MZT2B: variants seen among roughly 807,000 people sequenced by gnomAD.
MZT2B encodes mitotic-spindle organizing protein 2B.
In MZT2B, 11 loss-of-function variants were observed where a neutral mutation model predicts 12.1. The ratio of observed to expected loss-of-function variants is 0.91; its 90% confidence interval spans 0.57 to 1.50. The LOEUF (loss-of-function observed/expected upper bound fraction) is 1.50. Ranked by LOEUF, MZT2B falls within the 40% of genes most tolerant of loss-of-function variation. The pLI, the probability that MZT2B is intolerant of heterozygous loss-of-function variation, is 0.00. For synonymous variants in MZT2B, 85 were observed against 109.5 expected (o/e 0.78, Z 1.40); for missense variants, 209 against 227.7 (o/e 0.92, Z 0.53).
chr2:130,190,522 A>C lies in MZT2B; in HGVS notation c.373A>C (p.Ser125Arg). The change falls in exon 3 of 3, where the codon AGC becomes CGC. Residue 125 changes from serine to arginine, a missense_variant. By Grantham distance (110) the Ser-to-Arg change is moderately radical. Coordinates refer to ENST00000281871, the MANE Select transcript of MZT2B (RefSeq NM_025029.5). ...GGGAGCATTGGCCCTGGCGGAACGC[A>C]GCAGCCGCGAAGGATCCAGCCAGAG... ...LGGALALAER[S>R]SREGSSQRMP... 2 of 1,613,764 alleles carry C rather than the reference A, an allele frequency of 1.2e-6. No homozygotes were observed. The highest frequency in any genetic ancestry group is 8.5e-7 in the Non-Finnish European group (1 of 1,179,980).
At chr2:130,194,955 C>T (rs3863904), downstream of MZT2B, 178 of 1,527,094 alleles carry the variant, frequency 1.2e-4, no homozygotes, top group South Asian at 2.4e-4. Flanking sequence ...TGGGATTACA[C>T]GTGTGAGCCA....
downstream of MZT2B, among the ~76,000 whole-genome samples, chr2:130,192,933 A>C (rs1159971676): frequency 3.3e-5 from 5 of 152,140 alleles, no homozygotes; most frequent in Non-Finnish European, 5.9e-5. Context: ...ATCTCTACTA[A>C]AAATACAAAA....
chr2:130,183,647 A>G, intron 2 of MZT2B: 2 of 1,398,758 alleles, frequency 1.4e-6, no homozygotes, highest in South Asian at 2.5e-5. Context: ...AGGCGTGGAG[A>G]GCAGGCTGCC....
upstream of MZT2B, chr2:130,181,736 C>T (rs1689665817): frequency 2.6e-6 from 4 of 1,548,392 alleles, no homozygotes; most frequent in African/African-American, 1.4e-5. Flanking sequence ...GGCAGGAGTG[C>T]GGGGGAGGGA....
At chr2:130,188,303 T>TG (rs1437223423) in intron 2 of MZT2B, 1 of 166,452 alleles carries the variant, frequency 6.0e-6, no homozygotes, top group Admixed American at 6.6e-5. Flanking sequence ...GATCTGACTC[T>TG]GTCTGGCCTG....
intron 2 of MZT2B, among the ~76,000 whole-genome samples, chr2:130,185,080 C>T (rs1315853229): frequency 4.6e-5 from 7 of 152,202 alleles, no homozygotes; most frequent in South Asian, 2.1e-4. Flanking sequence ...GAGGCCGAGG[C>T]GGGCGGATCT....
chr2:130,185,396 C>T (rs1197948632), intron 2 of MZT2B, among the ~76,000 whole-genome samples: 3 of 149,868 alleles, frequency 2.0e-5, no homozygotes, highest in East Asian at 2.0e-4. Context: ...GTGGGAGGAT[C>T]GCCTGAGCCT....
At chr2:130,184,184 G>A (rs1208820326) in intron 2 of MZT2B, 22 of 1,445,732 alleles carry the variant, frequency 1.5e-5, no homozygotes, top group Middle Eastern at 2.5e-4. Context: ...GGCATCTGGG[G>A]ACAGGACCAA....
chr2:130,184,667 C>T, intron 2 of MZT2B: 3 of 985,384 alleles, frequency 3.0e-6, no homozygotes, highest in Non-Finnish European at 3.6e-6. Flanking sequence ...GGGGTGTATG[C>T]ACTGCAGGCT....
chr2:130,194,228 T>A (rs766767753), downstream of MZT2B: 33 of 1,612,390 alleles, frequency 2.0e-5, no homozygotes, highest in Admixed American at 5.5e-4. Flanking sequence ...GGCTTCATTG[T>A]CGACCATGAA....
intron 2 of MZT2B, chr2:130,183,163 G>C: frequency 2.8e-6 from 1 of 353,604 alleles, no homozygotes; most frequent in Non-Finnish European, 5.2e-6. Flanking sequence ...ATGAGTTTTA[G>C]ACCACTCTGG....
chr2:130,203,201 T>G, the MZT2B span, among the ~76,000 whole-genome samples: 16 of 152,144 alleles, frequency 1.1e-4, no homozygotes, highest in African/African-American at 3.9e-4. Context: ...TCCTCTAAAA[T>G]GGGGCAGATT....
chr2:130,193,674 T>G, downstream of MZT2B: 1 of 1,347,154 alleles, frequency 7.4e-7, no homozygotes, highest in Non-Finnish European at 1.0e-6. Flanking sequence ...TATGCCCACA[T>G]GCCTAGCCCA....
downstream of MZT2B, chr2:130,192,189 A>T: frequency 1.3e-6 from 2 of 1,545,178 alleles, no homozygotes; most frequent in Non-Finnish European, 1.7e-6. Flanking sequence ...AATGGTAGCT[A>T]CTTCTCCTCA....
At chr2:130,186,745 A>G (rs1372510957) in intron 2 of MZT2B, among the ~76,000 whole-genome samples, 1 of 152,172 alleles carries the variant, frequency 6.6e-6, no homozygotes, top group Non-Finnish European at 1.5e-5. Context: ...CAATCTCTAC[A>G]AAACACAAAA....
chr2:130,190,508 C>T lies in MZT2B; in HGVS notation c.359C>T (p.Ala120Val). 1 of 1,613,750 alleles carries T rather than the reference C, an allele frequency of 6.2e-7. No individual in the cohort carries two copies. The change falls in exon 3 of 3, where the codon GCC (alanine) becomes GTC (valine). Residue 120 changes from alanine to valine, a missense_variant. Physicochemically the swap from Ala to Val is moderately conservative, Grantham distance 64 (BLOSUM62 0). Coordinates refer to ENST00000281871, the MANE Select transcript of MZT2B (RefSeq NM_025029.5). ...AGCGCTGCCCTCGGGGGAGCATTGG[C>T]CCTGGCGGAACGCAGCAGCCGCGAA... ...KGSAALGGAL[A>V]LAERSSREGS...
upstream of MZT2B, chr2:130,181,788 G>A: frequency 6.5e-7 from 1 of 1,547,234 alleles, no homozygotes; most frequent in African/African-American, 1.4e-5. Context: ...GCGGCCTCCG[G>A]CGCCCCAAGG....
chr2:130,197,133 G>A, the MZT2B span, among the ~76,000 whole-genome samples: 3 of 152,126 alleles, frequency 2.0e-5, no homozygotes, highest in Admixed American at 6.5e-5. Flanking sequence ...TGAAGCCTAC[G>A]GGTGTAATGG....
downstream of MZT2B, chr2:130,195,048 A>G: frequency 6.2e-7 from 1 of 1,611,044 alleles, no homozygotes; most frequent in Non-Finnish European, 8.5e-7. Context: ...CCCATGCAAG[A>G]CAATGGCCAC....
Sources: gnomAD v4.1 joint callset for allele counts (sites outside exome capture counted in the v4.1 genomes callset) on GRCh38, gnomAD v4.1.1 for gene constraint, MANE v1.5 for transcripts, NCBI Gene and HGNC (gene_info 2026-07-23, HGNC 2026-07-21) for gene names.